The following KLF12 variants were observed in gnomAD, a reference collection of about 807,000 sequenced individuals.
KLF12 encodes the protein KLF transcription factor 12.
KLF12 carries 9 observed loss-of-function variants against 37.8 expected under a neutral mutation model. That is an observed-to-expected ratio of 0.24 (90% CI 0.14 to 0.42). The LOEUF (loss-of-function observed/expected upper bound fraction) is 0.42. KLF12 is among the 10% of genes least tolerant of loss of function. The probability of loss-of-function intolerance (pLI) is 1.00; values close to 1 mark genes in which losing one functional copy is unlikely to be tolerated. For synonymous variants in KLF12, 208 were observed against 202.1 expected (o/e 1.03, Z -0.25); for missense variants, 411 against 516.0 (o/e 0.80, Z 1.97).
chr13:74,174,085 C>T, the KLF12 span, among the ~76,000 whole-genome samples: 1 of 152,126 alleles, frequency 6.6e-6, no homozygotes, highest in African/African-American at 2.4e-5. Flanking sequence ...GATGCCGGTC[C>T]TCCTAGACCT....
At chr13:73,922,056 T>C (rs910532621) in intron 3 of KLF12, among the ~76,000 whole-genome samples, 1 of 152,024 alleles carries the variant, frequency 6.6e-6, no homozygotes, top group Non-Finnish European at 1.5e-5. Flanking sequence ...AGAATCAGGA[T>C]TTTCTACTAT....
chr13:73,733,640 T>G (rs568623076), intron 6 of KLF12, among the ~76,000 whole-genome samples: 1 of 152,206 alleles, frequency 6.6e-6, no homozygotes, highest in Non-Finnish European at 1.5e-5. Context: ...TTATGACCAG[T>G]ATCTGTTTGG....
At chr13:73,801,196 A>G (rs915807872) in intron 5 of KLF12, 7 of 152,092 alleles carry the variant, frequency 4.6e-5, no homozygotes, top group African/African-American at 1.7e-4. Flanking sequence ...TGATGCGGGT[A>G]AGTAAATGTA....
At chr13:74,299,604 C>T in the KLF12 span, among the ~76,000 whole-genome samples, 6 of 152,110 alleles carry the variant, frequency 3.9e-5, no homozygotes, top group Non-Finnish European at 5.9e-5. Flanking sequence ...TTAATACTTT[C>T]CCCCCTTTTT....
the KLF12 span, among the ~76,000 whole-genome samples, chr13:74,203,973 A>G: frequency 6.6e-6 from 1 of 152,166 alleles, no homozygotes; most frequent in African/African-American, 2.4e-5. Context: ...CAAATACTAC[A>G]CAGACATCTG....
intron 2 of KLF12, chr13:73,961,939 T>G (rs1891035037): frequency 2.3e-6 from 1 of 443,484 alleles, no homozygotes; most frequent in Non-Finnish European, 4.5e-6. Context: ...TATTAGCTTC[T>G]TACAAAACTA....
intron 6 of KLF12, among the ~76,000 whole-genome samples, chr13:73,747,463 C>T (rs1197371043): frequency 1.3e-5 from 2 of 152,196 alleles, no homozygotes; most frequent in East Asian, 1.9e-4. Context: ...TTAGTTATAT[C>T]ATATTGGGGA....
intron 3 of KLF12, among the ~76,000 whole-genome samples, chr13:73,908,638 GC>G (rs1888426947): frequency 6.6e-6 from 1 of 151,618 alleles, no homozygotes; most frequent in Non-Finnish European, 1.5e-5. Flanking sequence ...CCACCATCAT[GC>G]CCGGTTAATA....
chr13:73,984,301 C>T (rs946343193), intron 2 of KLF12, among the ~76,000 whole-genome samples: 2 of 152,216 alleles, frequency 1.3e-5, no homozygotes, highest in African/African-American at 2.4e-5. Flanking sequence ...ATGCATCTCA[C>T]ACTGGGAAGG....
chr13:74,096,100 G>A (rs1408788166), intron 1 of KLF12, among the ~76,000 whole-genome samples: 2 of 152,114 alleles, frequency 1.3e-5, no homozygotes, highest in African/African-American at 2.4e-5. Flanking sequence ...TTATTTGCTG[G>A]TGAGTGCACA....
chr13:74,274,485 G>A, the KLF12 span, among the ~76,000 whole-genome samples: 1 of 152,056 alleles, frequency 6.6e-6, no homozygotes, highest in East Asian at 1.9e-4. Context: ...AAATTCCTGG[G>A]TCAAAAGGTA....
chr13:73,951,246 T>C (rs1001579699), intron 2 of KLF12, among the ~76,000 whole-genome samples: 4 of 152,224 alleles, frequency 2.6e-5, no homozygotes, highest in Non-Finnish European at 5.9e-5. Context: ...AATATACTTA[T>C]TGAAGGCCAG....
the KLF12 span, among the ~76,000 whole-genome samples, chr13:74,294,317 G>A: frequency 6.6e-6 from 1 of 152,114 alleles, no homozygotes; most frequent in Non-Finnish European, 1.5e-5. Context: ...GTGAAGCACT[G>A]GTTTAGATGA....
At chr13:73,738,805 C>T (rs112256379) in intron 6 of KLF12, among the ~76,000 whole-genome samples, 2,907 of 152,202 alleles carry the variant, frequency 0.019, 76 homozygotes, top group African/African-American at 0.063. Flanking sequence ...TGTGGACTGC[C>T]GGCCATCTGT....
At chr13:73,714,285 T>A (rs6650444) in intron 7 of KLF12, among the ~76,000 whole-genome samples, 1 of 152,056 alleles carries the variant, frequency 6.6e-6, no homozygotes, top group African/African-American at 2.4e-5. Flanking sequence ...TCTAATTAAG[T>A]AGGAAAGGGA....
intron 5 of KLF12, among the ~76,000 whole-genome samples, chr13:73,770,050 T>C (rs1048286081): frequency 2.2e-4 from 33 of 152,308 alleles, no homozygotes; most frequent in African/African-American, 7.9e-4. Flanking sequence ...TGATTATCTA[T>C]ACATTGTGCA....
At chr13:74,049,733 A>G (rs150787065) in intron 1 of KLF12, among the ~76,000 whole-genome samples, 217 of 152,308 alleles carry the variant, frequency 1.4e-3, no homozygotes, top group African/African-American at 4.9e-3. Flanking sequence ...AATGAGAGCT[A>G]AAGAGAGAAG....
intron 5 of KLF12, among the ~76,000 whole-genome samples, chr13:73,803,958 G>C (rs771383028): frequency 9.2e-5 from 14 of 152,248 alleles, no homozygotes; most frequent in African/African-American, 1.7e-4. Flanking sequence ...TCCTTAAGAC[G>C]AATATCTGTA....
chr13:74,171,365 C>T, the KLF12 span, among the ~76,000 whole-genome samples: 1 of 152,132 alleles, frequency 6.6e-6, no homozygotes, highest in Admixed American at 6.5e-5. Context: ...TCAGACGTTC[C>T]ACACATCCAG....
Sources: allele counts gnomAD v4.1 joint callset (sites outside exome capture counted in the v4.1 genomes callset), GRCh38; gene constraint gnomAD v4.1.1; transcripts MANE v1.5; gene names NCBI Gene and HGNC (gene_info 2026-07-23, HGNC 2026-07-21).